Variants in ANKFN1 observed in about 807,000 individuals in gnomAD.
The protein encoded by ANKFN1 is ankyrin repeat and fibronectin type III domain containing 1, also known as ankyrin repeat and fibronectin type-III domain-containing protein 1.
In ANKFN1, 74 loss-of-function variants were observed where a neutral mutation model predicts 108.7. The ratio of observed to expected loss-of-function variants is 0.68; its 90% CI spans 0.56 to 0.83. ANKFN1 has a LOEUF of 0.83. Among genes scored for constraint, ANKFN1 ranks in the 40% least tolerant of loss-of-function variants. ANKFN1 has a pLI of 0.00. For synonymous variants in ANKFN1, 547 were observed against 516.2 expected (o/e 1.06, Z -0.81); for missense variants, 1,505 against 1,382.3 (o/e 1.09, Z -1.41).
Position 56,480,760 on chromosome 17 carries a change from A to T in ANKFN1, c.2033A>T (p.Tyr678Phe). Residue 678 changes from tyrosine (Y) to phenylalanine (F), a missense_variant, in exon 17 of 21, where the codon TAC (tyrosine) becomes TTC (phenylalanine). Transcript: ENST00000682825. ...TSDCPMQLFF[Y>F]ELQMAVKALL... is the part of the protein sequence containing the mutation. Reference sequence around the variant, plus strand: ...GACTGCCCCATGCAATTGTTCTTCTACGAGCTCCAGATGGCAGTGAAAGCT... The same window carrying T: ...GACTGCCCCATGCAATTGTTCTTCTTCGAGCTCCAGATGGCAGTGAAAGCT... 6.2e-7 allele frequency: 1 copy of T among 1,614,122 alleles called. No individual in the cohort carries two copies. The highest frequency in any genetic ancestry group is 2.2e-5 in the East Asian group (1 of 44,882).
intron 15 of ANKFN1, among the ~76,000 whole-genome samples, chr17:56,467,791 G>GAAAGAAAGAAAGAAAGAAGAAAGAAAGA (rs11414270): frequency 1.8e-5 from 1 of 55,024 alleles, no homozygotes; most frequent in Non-Finnish European, 4.1e-5. Flanking sequence ...AAGAAAGAAA[G>GAAAGAAAGAAAGAAAGAAGAAAGAAAGA]AAGAAAGAAA....
At chr17:56,299,689 T>C (rs1288614071) in intron 3 of ANKFN1, among the ~76,000 whole-genome samples, 1 of 152,052 alleles carries the variant, frequency 6.6e-6, no homozygotes, top group Non-Finnish European at 1.5e-5. Flanking sequence ...AGAATGGAGA[T>C]AGTTGTAGCA....
chr17:56,307,857 AG>A (rs1461864744), intron 3 of ANKFN1, among the ~76,000 whole-genome samples: 1 of 152,238 alleles, frequency 6.6e-6, no homozygotes, highest in African/African-American at 2.4e-5. Flanking sequence ...GACTGGATTA[AG>A]AAAATGTGGC....
chr17:56,386,014 A>T (rs1225779186), intron 8 of ANKFN1, among the ~76,000 whole-genome samples: 2 of 152,192 alleles, frequency 1.3e-5, no homozygotes, highest in African/African-American at 2.4e-5. Flanking sequence ...ATAAAGACAC[A>T]TGCACGCGTA....
chr17:56,482,515 T>C lies in ANKFN1; in HGVS notation c.2251T>C (p.Phe751Leu). 6.2e-7 allele frequency: 1 copy of C among 1,612,790 alleles called. No homozygotes were observed. The highest frequency in any genetic ancestry group is 8.5e-7 in the Non-Finnish European group (1 of 1,179,378). The change falls in exon 18 of 21, where the codon TTT becomes CTT. Residue 751 changes from phenylalanine (F) to leucine (L), a missense_variant. Phe to Leu is a conservative substitution (Grantham distance 22, BLOSUM62 0). Coordinates refer to ENST00000682825, the MANE Select transcript of ANKFN1 (RefSeq NM_001370326.1). The stretch of plus-strand genomic sequence containing the variant: ...GTTTCTTAACCTCCCTCTTCAGATG[T>C]TTGAACTTGGTATAGTAGCTTGTTT... ...SGFLNLPLQM[F>L]ELVHFCSYRE...
At chr17:56,115,368 G>A (rs1326643580) in intron 4 of ANKFN1, among the ~76,000 whole-genome samples, 1 of 152,120 alleles carries the variant, frequency 6.6e-6, no homozygotes, top group African/African-American at 2.4e-5. Flanking sequence ...GTACTGACAT[G>A]CCAAATTCTT....
chr17:56,514,985 T>C lies in ANKFN1; in HGVS notation c.*3716T>C, dbSNP rs2051876708. Among the ~76,000 whole-genome samples, 1 of 152,044 alleles carries C rather than the reference T, an allele frequency of 6.6e-6. No individual in the cohort carries two copies. Among genetic ancestry groups the C allele is most frequent in the Non-Finnish European group, 1.5e-5 (1 of 67,992 alleles). On this transcript the variant is annotated 3_prime_UTR_variant, in exon 21 of 21. Transcript: ENST00000682825. ...GATAACTCTGTTAGACGAGGAGGCA[T>C]CCCAGAAAATACCTGCTTGGCCTCC...
At chr17:56,131,908 A>G (rs111617613) in intron 4 of ANKFN1, among the ~76,000 whole-genome samples, 1 of 152,232 alleles carries the variant, frequency 6.6e-6, no homozygotes, top group African/African-American at 2.4e-5. Context: ...CTTTGATCAT[A>G]TGAAGACTCC....
rs142071688 is a variant in ANKFN1 at position 56,430,266 on chromosome 17, G to A, written c.911-10061G>A. On this transcript the variant is annotated intron_variant, in intron 8 of 20. Transcript: ENST00000682825. ...TCATGCTAAGTGAAATAAGCCAGAT[G>A]CAGAAAAAATAGTGCATGACTTCTC... Among the ~76,000 whole-genome samples the A allele has an allele frequency of 1.1e-4, 16 of 152,184 alleles. No individual in the cohort carries two copies. The East Asian group carries it at 3.1e-3, about 29-fold the overall frequency.
At chr17:56,467,791 G>GAAAGAGAAA (rs11414270) in intron 15 of ANKFN1, among the ~76,000 whole-genome samples, 21 of 55,060 alleles carry the variant, frequency 3.8e-4, no homozygotes, top group African/African-American at 1.1e-3. Context: ...AAGAAAGAAA[G>GAAAGAGAAA]AAGAAAGAAA....
chr17:56,461,133 A>C (rs1253847789), intron 14 of ANKFN1, among the ~76,000 whole-genome samples: 1 of 152,224 alleles, frequency 6.6e-6, no homozygotes, highest in Non-Finnish European at 1.5e-5. Flanking sequence ...AAACTTTCTA[A>C]AGAAATTTCT....
At chr17:56,132,578 A>G (rs1907346599) in intron 4 of ANKFN1, among the ~76,000 whole-genome samples, 1 of 152,204 alleles carries the variant, frequency 6.6e-6, no homozygotes, top group Non-Finnish European at 1.5e-5. Context: ...GTCATTGGGA[A>G]AAGTCATGCC....
At chr17:56,217,156 C>T (rs966294835) in intron 2 of ANKFN1, among the ~76,000 whole-genome samples, 3 of 152,084 alleles carry the variant, frequency 2.0e-5, no homozygotes, top group African/African-American at 7.2e-5. Flanking sequence ...ATTAAAGGAC[C>T]TCCCTCCATC....
intron 14 of ANKFN1, among the ~76,000 whole-genome samples, chr17:56,461,102 C>T (rs1466683324): frequency 6.6e-6 from 1 of 152,186 alleles, no homozygotes; most frequent in African/African-American, 2.4e-5. Context: ...AGCTGGATTG[C>T]AGTCAGGAAG....
At chr17:56,055,518 G>A (rs1360549063) in intron 4 of ANKFN1, among the ~76,000 whole-genome samples, 1 of 135,524 alleles carries the variant, frequency 7.4e-6, no homozygotes, top group African/African-American at 3.0e-5. Context: ...GTCTGTGTGT[G>A]TGTGTGTGTA....
At chr17:56,247,163 G>T (rs8074160) in intron 3 of ANKFN1, among the ~76,000 whole-genome samples, 1 of 152,062 alleles carries the variant, frequency 6.6e-6, no homozygotes, top group African/African-American at 2.4e-5. Flanking sequence ...ACAAATAAAC[G>T]CTGCTTTGCA....
chr17:56,469,967 T>C (rs555392039), intron 15 of ANKFN1, among the ~76,000 whole-genome samples: 1 of 152,166 alleles, frequency 6.6e-6, no homozygotes, highest in African/African-American at 2.4e-5. Context: ...GGCCCCAATG[T>C]AGGTTGTTCC....
At chr17:56,143,746 GAC>G (rs1293312604) in intron 4 of ANKFN1, among the ~76,000 whole-genome samples, 3 of 152,134 alleles carry the variant, frequency 2.0e-5, no homozygotes, top group African/African-American at 7.2e-5. Flanking sequence ...AGGGATATGT[GAC>G]ACAGAGACAC....
At chr17:56,107,368 G>A (rs1440865500) in intron 4 of ANKFN1, among the ~76,000 whole-genome samples, 6 of 152,134 alleles carry the variant, frequency 3.9e-5, no homozygotes, top group Admixed American at 6.5e-5. Flanking sequence ...AAGGCCAATC[G>A]CTAGACCATC....
Sources: gnomAD v4.1 joint callset for allele counts (sites outside exome capture counted in the v4.1 genomes callset) on GRCh38, gnomAD v4.1.1 for gene constraint, MANE v1.5 for transcripts, NCBI Gene and HGNC (gene_info 2026-07-23, HGNC 2026-07-21) for gene names.